TIE1: variants seen among roughly 807,000 people sequenced by gnomAD.
TIE1 encodes tyrosine-protein kinase receptor Tie-1.
In TIE1, 89 loss-of-function variants were observed where a neutral mutation model predicts 130.5. That is an observed-to-expected ratio of 0.68 (90% CI 0.57 to 0.81). The LOEUF (loss-of-function observed/expected upper bound fraction) is 0.81, where lower values mean the gene tolerates loss of function less well. Ranked by LOEUF, TIE1 falls within the 40% of genes least tolerant of loss-of-function variation. The pLI is 0.00. For missense variants in TIE1, 1,392 were observed against 1,559.8 expected (o/e 0.89, Z 1.81); for synonymous variants, 568 against 629.4 (o/e 0.90, Z 1.46).
intron 9 of TIE1, 37 bp from the exon 10 acceptor site, chr1:43,311,634 G>A (rs765545904): frequency 2.3e-5 from 37 of 1,595,050 alleles, no homozygotes; most frequent in Non-Finnish European, 2.6e-6. Context: ...GACTGGATAG[G>A]CTGTGTGCCC....
chr1:43,321,306 C>T lies in TIE1; in HGVS notation c.3145C>T (p.Leu1049Phe). The T allele has an allele frequency of 6.2e-7, 1 of 1,614,046 alleles. No individual in the cohort carries two copies. The highest frequency in any genetic ancestry group is 8.5e-7 in the Non-Finnish European group (1 of 1,179,990). Residue 1049 changes from leucine to phenylalanine, a missense_variant, in exon 20 of 23, where the codon CTT becomes TTT. Transcript: ENST00000372476. The part of the protein sequence containing the change: ...FGVLLWEIVS[L>F]GGTPYCGMTC... ...AGTCCTTCTTTGGGAGATAGTGAGC[C>T]TTGGTGAGTTCCTGATCCCCGTCCC...
At position 43,316,547 on chromosome 1, in the gene TIE1, A is replaced by C. The variant is rs1367662255; in HGVS notation, c.2410-652A>C. 3.3e-5 allele frequency among the ~76,000 whole-genome samples: 5 copies of C among 152,038 alleles called. No homozygotes were observed. On this transcript the variant is annotated intron_variant, in intron 14 of 22. Transcript: ENST00000372476. The surrounding 1 kb of genome is among the most constrained non-coding windows in gnomAD (Gnocchi z 4.4). ...AGGAAATTGGACATTCCTCTTTGTT[A>C]TAGTCTTGCTATTTTCAGGTCCTGG...
chr1:43,313,653 C>A lies in TIE1; in HGVS notation c.2219-125C>A. The A allele has an allele frequency of 8.6e-7, 1 of 1,168,012 alleles. No homozygotes were observed. The highest frequency in any genetic ancestry group is 2.6e-5 in the East Asian group (1 of 38,824). The allele number at this position is 1,168,012 out of a possible 1,614,324, so 72.4% of individuals were successfully genotyped here. ...ACCCCTCATCCCTTCCTTCATGTGGCCCAAGTGATTTCCTGACAGTCCTGG... is the reference window on the plus strand; with the variant it reads ...ACCCCTCATCCCTTCCTTCATGTGGACCAAGTGATTTCCTGACAGTCCTGG... On this transcript the variant is annotated intron_variant, in intron 13 of 22. Transcript: ENST00000372476. This position sits in a 1 kb window ranked among gnomAD's most constrained non-coding sequence, Gnocchi z 6.2.
rs916246771 is a variant in TIE1 at position 43,309,099 on chromosome 1, G to A, written c.1156G>A (p.Glu386Lys). The A allele has an allele frequency of 1.9e-6, 3 of 1,611,358 alleles. No homozygotes were observed. Among genetic ancestry groups the A allele is most frequent in the Non-Finnish European group, 2.5e-6 (3 of 1,178,152 alleles). The part of the protein sequence containing the change: ...GNPFPVRGSI[E>K]LRKPDGTVLL... ...CCCCTTCCCCGTGCGGGGCAGCATA[G>A]AGCTACGCAAGCCAGACGGCACTGT... Residue 386 changes from glutamate to lysine, a missense_variant, in exon 8 of 23, where the codon GAG (glutamate) becomes AAG (lysine). Glu to Lys is a moderately conservative substitution (Grantham distance 56). This residue lies in a region of TIE1 where 551 missense variants were observed against 565.5 expected (regional missense o/e 0.97). Transcript: ENST00000372476. This position sits in a 1 kb window ranked among gnomAD's most constrained non-coding sequence, Gnocchi z 6.3.
intron 1 of TIE1, among the ~76,000 whole-genome samples, chr1:43,302,051 G>A (rs1204642760): frequency 6.6e-6 from 1 of 152,266 alleles, no homozygotes; most frequent in East Asian, 1.9e-4. Context: ...GTGAGGAGTA[G>A]CCGCTGACTG....
In TIE1 at chr1:43,307,360, G is replaced by A. The variant is rs1646740335; in HGVS notation, c.773-72G>A. 6.2e-7 allele frequency: 1 copy of A among 1,611,724 alleles called. No homozygotes were observed. Among genetic ancestry groups the A allele is most frequent in the South Asian group, 1.1e-5 (1 of 91,068 alleles). On this transcript the variant is annotated intron_variant, in intron 5 of 22. Transcript: ENST00000372476. This position sits in a 1 kb window ranked among gnomAD's most constrained non-coding sequence, Gnocchi z 5.4. ...GAACCATGTGGGTGGAGCTTGGAGG[G>A]TAAGGGCGACAGGCAGGTCCTGGGC... is the stretch of plus-strand genomic sequence containing the variant.
Position 43,316,556 on chromosome 1 carries a change from C to T in TIE1, c.2410-643C>T, listed in dbSNP as rs1297970748. On this transcript the variant is annotated intron_variant, in intron 14 of 22. Transcript: ENST00000372476. The surrounding 1 kb of genome is among the most constrained non-coding windows in gnomAD (Gnocchi z 4.4). ...GACATTCCTCTTTGTTATAGTCTTG[C>T]TATTTTCAGGTCCTGGCCTGATTTT... is the stretch of plus-strand genomic sequence containing the variant. 1.3e-5 allele frequency among the ~76,000 whole-genome samples: 2 copies of T among 152,166 alleles called. No individual in the cohort carries two copies. The highest frequency in any genetic ancestry group is 2.9e-5 in the Non-Finnish European group (2 of 68,036).
rs1646764970 is a variant in TIE1 at position 43,309,334 on chromosome 1, T to G, written c.1189-54T>G. 6.5e-7 allele frequency: 1 copy of G among 1,536,258 alleles called. No individual in the cohort carries two copies. Among genetic ancestry groups the G allele is most frequent in the African/African-American group, 1.4e-5 (1 of 72,408 alleles). On this transcript the variant is annotated intron_variant, in intron 8 of 22. Transcript: ENST00000372476. This position sits in a 1 kb window ranked among gnomAD's most constrained non-coding sequence, Gnocchi z 6.3. ...CAGTCCAGACGGACACCTGGGTGCC[T>G]GCCACAGAGGTGCCCGTTCCCTGTG...
intron 7 of TIE1, 181 bp from the exon 8 acceptor site, chr1:43,308,805 T>G: frequency 1.3e-6 from 1 of 781,720 alleles, no homozygotes; most frequent in South Asian, 1.5e-5. Context: ...GGAAGTAGAC[T>G]TTGCAGCTGA....
rs1441323091 is a variant in TIE1, at chr1:43,322,995, C to T, written c.*273C>T. The T allele has an allele frequency of 4.2e-6, 2 of 473,810 alleles. No individual in the cohort carries two copies. Among genetic ancestry groups the T allele is most frequent in the African/African-American group, 3.9e-5 (2 of 51,198 alleles). The allele number at this position is 473,810 out of a possible 1,614,324, so 29.4% of individuals were successfully genotyped here. On this transcript the variant is annotated 3_prime_UTR_variant, in exon 23 of 23. Coordinates refer to ENST00000372476, the MANE Select transcript of TIE1 (RefSeq NM_005424.5). The surrounding 1 kb of genome is among the most constrained non-coding windows in gnomAD (Gnocchi z 4.0). Reference sequence around the variant, plus strand: ...ATCCCACTGCTCCCCCAACACAAACCCCCACTCCAGCTCCTTCGCTTAAGC... The same window carrying T: ...ATCCCACTGCTCCCCCAACACAAACTCCCACTCCAGCTCCTTCGCTTAAGC...
At chr1:43,310,307 A>G (rs1045263427) in intron 9 of TIE1, among the ~76,000 whole-genome samples, 1 of 152,134 alleles carries the variant, frequency 6.6e-6, no homozygotes, top group African/African-American at 2.4e-5. Context: ...TAGGAGCCAG[A>G]CAACCTGGGC....
rs1334037677 is a variant in TIE1, at chr1:43,317,410, G to A, written c.2620+1G>A. ...AACGCAGCCATCAAAATGCTGAAAG[G>A]TCCACTGGGGCGACCCCTGGCCCAG... On this transcript the variant is annotated splice_donor_variant, in intron 15 of 22. Coordinates refer to ENST00000372476, the MANE Select transcript of TIE1 (RefSeq NM_005424.5). LOFTEE classifies it high-confidence loss of function. This position sits in a 1 kb window ranked among gnomAD's most constrained non-coding sequence, Gnocchi z 5.1. 1 of 1,613,890 alleles carries A rather than the reference G, an allele frequency of 6.2e-7. No homozygotes were observed.
chr1:43,312,388 C>T lies in TIE1; in HGVS notation c.1714C>T (p.Pro572Ser). ...LRVSWSLPLV[P>S]GPLVGDGFLL... ...AGTGAGCTGGTCCTTGCCCTTGGTG[C>T]CCGGGCCACTGGTGGGCGACGGTTT... The change falls in exon 12 of 23, where the codon CCC (proline) becomes TCC (serine). Residue 572 changes from proline (P) to serine (S), a missense_variant. Around this residue, in one of 6 missense-constraint regions of TIE1, gnomAD observed 551 missense variants for 565.5 expected, o/e 0.97. Coordinates refer to ENST00000372476, the MANE Select transcript of TIE1 (RefSeq NM_005424.5). This position sits in a 1 kb window ranked among gnomAD's most constrained non-coding sequence, Gnocchi z 5.6. 6.2e-7 allele frequency: 1 copy of T among 1,601,824 alleles called. No homozygotes were observed. The highest frequency in any genetic ancestry group is 8.5e-7 in the Non-Finnish European group (1 of 1,173,948).
Position 43,316,386 on chromosome 1 carries a change from T to G in TIE1, c.2410-813T>G, listed in dbSNP as rs1490752478. ...CCTTGCCCATCAAGCTGGACTTCAG[T>G]GCACTTAGGAAGCCCCACCAGAAGG... On this transcript the variant is annotated intron_variant, in intron 14 of 22. Coordinates refer to ENST00000372476, the MANE Select transcript of TIE1 (RefSeq NM_005424.5). The surrounding 1 kb of genome is among the most constrained non-coding windows in gnomAD (Gnocchi z 4.4). Among the ~76,000 whole-genome samples the G allele has an allele frequency of 6.6e-6, 1 of 152,228 alleles. No individual in the cohort carries two copies. The highest frequency in any genetic ancestry group is 1.5e-5 in the Non-Finnish European group (1 of 68,030).
At position 43,306,592 on chromosome 1, in the gene TIE1, C is replaced by T. The variant is rs374330249; in HGVS notation, c.485-248C>T. On this transcript the variant is annotated intron_variant, in intron 3 of 22. Transcript: ENST00000372476. This position sits in a 1 kb window ranked among gnomAD's most constrained non-coding sequence, Gnocchi z 4.9. ...CAGTGGCAGTGGGTGTGGGGAGAAG[C>T]GGACTGGGTTAGGGGATGAGGAGGA... Among the ~76,000 whole-genome samples the T allele has an allele frequency of 1.8e-4, 27 of 152,150 alleles. No individual in the cohort carries two copies. The highest frequency in any genetic ancestry group is 9.7e-4 in the East Asian group (5 of 5,168).
rs201966734 is a variant in TIE1, at chr1:43,307,321, G to A, written c.772+48G>A. 2 of 1,613,622 alleles carry A rather than the reference G, an allele frequency of 1.2e-6. No homozygotes were observed. Among genetic ancestry groups the A allele is most frequent in the African/African-American group, 2.7e-5 (2 of 75,048 alleles). ...CCCAGGCAGGAGAGGATCCCTGACT[G>A]GGAGAAGACCCTAGAACCATGTGGG... On this transcript the variant is annotated intron_variant, in intron 5 of 22. Transcript: ENST00000372476. This position sits in a 1 kb window ranked among gnomAD's most constrained non-coding sequence, Gnocchi z 5.4.
chr1:43,307,622 G>A lies in TIE1; in HGVS notation c.913+50G>A. On this transcript the variant is annotated intron_variant, in intron 6 of 22. Coordinates refer to ENST00000372476, the MANE Select transcript of TIE1 (RefSeq NM_005424.5). This position sits in a 1 kb window ranked among gnomAD's most constrained non-coding sequence, Gnocchi z 5.4. ...CCCTGACCAAGACAGCTGGCCAGGAGCTTGACCCGGACCCTCCACTCTGCC... is the reference window on the plus strand; with the variant it reads ...CCCTGACCAAGACAGCTGGCCAGGAACTTGACCCGGACCCTCCACTCTGCC... The A allele has an allele frequency of 6.2e-7, 1 of 1,612,700 alleles. No individual in the cohort carries two copies. Among genetic ancestry groups the A allele is most frequent in the Non-Finnish European group, 8.5e-7 (1 of 1,179,112 alleles).
In TIE1 at chr1:43,319,767, G is replaced by A. The variant is rs1646895204; in HGVS notation, c.3107+238G>A. Reference sequence around the variant, plus strand: ...GTAAAGGTAGTTTCGGATTATGTTTGTGTAAGTGACGGGGGATGCCTTGGA... The same window carrying A: ...GTAAAGGTAGTTTCGGATTATGTTTATGTAAGTGACGGGGGATGCCTTGGA... On this transcript the variant is annotated intron_variant, in intron 19 of 22. Transcript: ENST00000372476. The surrounding 1 kb of genome is among the most constrained non-coding windows in gnomAD (Gnocchi z 4.7). 1.4e-5 allele frequency: 8 copies of A among 552,690 alleles called. No homozygotes were observed. In the South Asian group the frequency reaches 1.7e-4, roughly 11 times the overall value. 34.2% of individuals were successfully genotyped at this position (552,690 alleles called of 1,614,324 possible).
chr1:43,315,930 G>A lies in TIE1; in HGVS notation c.2410-1269G>A, dbSNP rs534043792. The stretch of plus-strand genomic sequence containing the variant: ...GAAAATTAGATGGGCGTGGAGGTGT[G>A]CACCTGTGGTCCCAACTACTCGGGA... On this transcript the variant is annotated intron_variant, in intron 14 of 22. Transcript: ENST00000372476. The surrounding 1 kb of genome is among the most constrained non-coding windows in gnomAD (Gnocchi z 4.4). 5.7e-4 allele frequency among the ~76,000 whole-genome samples: 87 copies of A among 152,232 alleles called. 2 individuals carry two copies. The South Asian group carries it at 0.018, about 32-fold the overall frequency.
Sources: gnomAD v4.1 joint callset for allele counts (sites outside exome capture counted in the v4.1 genomes callset) on GRCh38, gnomAD v4.1.1 for gene constraint, gnomAD v4.1.1 regional missense constraint, Gnocchi (gnomAD v3.1) non-coding constraint, MANE v1.5 for transcripts, NCBI Gene and HGNC (gene_info 2026-07-23, HGNC 2026-07-21) for gene names.